Variants in SRRM4 observed in about 807,000 individuals in gnomAD.
SRRM4 encodes the protein serine/arginine repetitive matrix protein 4.
Under a neutral mutation model 68.9 loss-of-function variants are expected in SRRM4, and 33 were observed. That is an observed-to-expected ratio of 0.48 (90% CI 0.36 to 0.64). The LOEUF (loss-of-function observed/expected upper bound fraction) is 0.64, where lower values mean the gene tolerates loss of function less well. SRRM4 is among the 30% of genes least tolerant of loss of function. The pLI, the probability that SRRM4 is intolerant of heterozygous loss-of-function variation, is 0.00. For missense variants in SRRM4, 817 were observed against 827.1 expected (o/e 0.99, Z 0.15); for synonymous variants, 318 against 318.8 (o/e 1.00, Z 0.03).
chr12:118,983,473 G>C (rs537762934), intron 1 of SRRM4, among the ~76,000 whole-genome samples: 7 of 152,346 alleles, frequency 4.6e-5, no homozygotes, highest in African/African-American at 1.7e-4. Context: ...AGGAGGTTCT[G>C]TGTATAGAGT....
At chr12:119,095,112 A>G (rs1954035260) in intron 1 of SRRM4, among the ~76,000 whole-genome samples, 1 of 152,134 alleles carries the variant, frequency 6.6e-6, no homozygotes, top group African/African-American at 2.4e-5. Flanking sequence ...CCTGAAGATT[A>G]CCCCCATCCA....
chr12:119,121,943 T>C (rs1331719612), intron 5 of SRRM4, 127 bp from the exon 6 acceptor site: 3 of 673,286 alleles, frequency 4.5e-6, no homozygotes, highest in Non-Finnish European at 8.0e-6. Context: ...TTTTCCAGTC[T>C]GAGGCAATGA....
At chr12:119,030,342 GGCACCTC>G (rs1953580518) in intron 1 of SRRM4, among the ~76,000 whole-genome samples, 2 of 152,092 alleles carry the variant, frequency 1.3e-5, no homozygotes, top group African/African-American at 4.8e-5. Flanking sequence ...GATATCACAG[GGCACCTC>G]TAAACACACT....
At chr12:119,131,089 A>T (rs1954295075) in intron 8 of SRRM4, among the ~76,000 whole-genome samples, 1 of 152,214 alleles carries the variant, frequency 6.6e-6, no homozygotes, top group Admixed American at 6.5e-5. Context: ...TGACAAATAA[A>T]TACCTGTCTC....
chr12:119,153,283 G>A (rs143582079), intron 10 of SRRM4, among the ~76,000 whole-genome samples: 32 of 152,284 alleles, frequency 2.1e-4, no homozygotes, highest in South Asian at 1.5e-3. Flanking sequence ...ACGGCCCAGG[G>A]AAACGAAATC....
At chr12:119,148,848 CT>C (rs1282769461) in intron 9 of SRRM4, among the ~76,000 whole-genome samples, 2 of 152,166 alleles carry the variant, frequency 1.3e-5, no homozygotes, top group Admixed American at 1.3e-4. Flanking sequence ...TGTCATGCCA[CT>C]TATGAGCAGA....
At chr12:119,044,597 C>G (rs971589108) in intron 1 of SRRM4, among the ~76,000 whole-genome samples, 3 of 151,994 alleles carry the variant, frequency 2.0e-5, no homozygotes, top group Admixed American at 1.3e-4. Flanking sequence ...CCAAACAGAC[C>G]CAGCTGTGTA....
At chr12:119,016,786 A>G (rs1189057394) in intron 1 of SRRM4, among the ~76,000 whole-genome samples, 1 of 152,158 alleles carries the variant, frequency 6.6e-6, no homozygotes, top group African/African-American at 2.4e-5. Context: ...TTCCTTTACA[A>G]TATCATGCTA....
rs561410256 is a variant in SRRM4 at position 119,085,177 on chromosome 12, C to T, written c.132-17059C>T. 2.6e-5 allele frequency among the ~76,000 whole-genome samples: 4 copies of T among 152,348 alleles called. No homozygotes were observed. In the South Asian group the frequency reaches 6.2e-4, roughly 24 times the overall value. On this transcript the variant is annotated intron_variant, in intron 1 of 12. Coordinates refer to ENST00000267260, the MANE Select transcript of SRRM4 (RefSeq NM_194286.4). Reference sequence around the variant, plus strand: ...TTGGCCTCCCAAAGTGCTGGGATTACAGGCGTGAGCCACTGAGGCTGGCCA... The same window carrying T: ...TTGGCCTCCCAAAGTGCTGGGATTATAGGCGTGAGCCACTGAGGCTGGCCA...
chr12:119,049,095 A>G (rs933578144), intron 1 of SRRM4, among the ~76,000 whole-genome samples: 1 of 152,214 alleles, frequency 6.6e-6, no homozygotes, highest in Non-Finnish European at 1.5e-5. Context: ...TTGTGGAAGA[A>G]GACCGGCTAT....
chr12:119,070,377 T>TTTTC (rs1953871061), intron 1 of SRRM4, among the ~76,000 whole-genome samples: 4 of 152,104 alleles, frequency 2.6e-5, no homozygotes, highest in African/African-American at 9.7e-5. Flanking sequence ...GCCCTCTAAG[T>TTTTC]TATAGATCCC....
intron 1 of SRRM4, among the ~76,000 whole-genome samples, chr12:119,090,526 T>C (rs1340414190): frequency 6.6e-6 from 1 of 152,136 alleles, no homozygotes; most frequent in African/African-American, 2.4e-5. Flanking sequence ...CAGCTAGTCA[T>C]TGGCTATGGG....
intron 1 of SRRM4, among the ~76,000 whole-genome samples, chr12:119,071,401 C>G (rs115273339): frequency 6.6e-6 from 1 of 152,160 alleles, no homozygotes; most frequent in African/African-American, 2.4e-5. Flanking sequence ...CCCAATAATG[C>G]GGTTGTGAGA....
chr12:119,077,640 C>T (rs574384142), intron 1 of SRRM4, among the ~76,000 whole-genome samples: 10 of 152,164 alleles, frequency 6.6e-5, no homozygotes, highest in African/African-American at 1.4e-4. Context: ...CTTCTGGTTC[C>T]GCATCTGCAA....
chr12:119,043,922 A>G (rs558276190), intron 1 of SRRM4, among the ~76,000 whole-genome samples: 4 of 151,870 alleles, frequency 2.6e-5, no homozygotes, highest in South Asian at 2.1e-4. Flanking sequence ...CTGGAGTGCA[A>G]TGGCGCGATC....
intron 1 of SRRM4, among the ~76,000 whole-genome samples, chr12:118,997,026 C>G (rs1052761982): frequency 1.3e-5 from 2 of 152,130 alleles, no homozygotes; most frequent in Non-Finnish European, 2.9e-5. Context: ...TGGGCAATCG[C>G]TCAGAAGAAT....
chr12:118,993,052 T>C (rs993857456), intron 1 of SRRM4, among the ~76,000 whole-genome samples: 1 of 152,226 alleles, frequency 6.6e-6, no homozygotes, highest in African/African-American at 2.4e-5. Flanking sequence ...ACTGTTACTA[T>C]TGATCTTGTT....
In SRRM4 at chr12:119,145,632, C is replaced by T; in HGVS notation, c.1023C>T (p.Asn341=). The change falls in exon 9 of 13, where the codon AAC becomes AAT. Residue 341 remains asparagine, a synonymous_variant. Transcript: ENST00000267260. Reference sequence around the variant, plus strand: ...CCTTCACCACCTCCTCACCCCAGAACAAGGGGGCCATGTTGGAGAATCTCT... The same window carrying T: ...CCTTCACCACCTCCTCACCCCAGAATAAGGGGGCCATGTTGGAGAATCTCT... ...GNSFTTSSPQ[N]KGAMLENLSP... 6.5e-7 allele frequency: 1 copy of T among 1,539,826 alleles called. No individual in the cohort carries two copies. Among genetic ancestry groups the T allele is most frequent in the Non-Finnish European group, 8.7e-7 (1 of 1,145,086 alleles).
At chr12:119,123,936 C>T (rs11064672) in intron 6 of SRRM4, among the ~76,000 whole-genome samples, 20,193 of 152,072 alleles carry the variant, frequency 0.13, 1,624 homozygotes, top group African/African-American at 0.22. Context: ...GGAACACAGG[C>T]ACTGGGAAAA....
Sources: allele counts gnomAD v4.1 joint callset (sites outside exome capture counted in the v4.1 genomes callset), GRCh38; gene constraint gnomAD v4.1.1; transcripts MANE v1.5; gene names NCBI Gene and HGNC (gene_info 2026-07-23, HGNC 2026-07-21).